Variants in KCNU1 observed in about 807,000 individuals in gnomAD.
KCNU1 encodes the protein potassium calcium-activated channel subfamily U member 1.
In KCNU1, 93 loss-of-function variants were observed where a neutral mutation model predicts 126.8. The ratio of observed to expected loss-of-function variants is 0.73; its 90% confidence interval spans 0.62 to 0.87. The LOEUF (loss-of-function observed/expected upper bound fraction) is 0.87. KCNU1 is among the 40% of genes least tolerant of loss of function. The pLI, the probability that KCNU1 is intolerant of heterozygous loss-of-function variation, is 0.00. For missense variants in KCNU1, 1,330 were observed against 1,367.1 expected (o/e 0.97, Z 0.43); for synonymous variants, 523 against 494.2 (o/e 1.06, Z -0.77).
intron 19 of KCNU1, among the ~76,000 whole-genome samples, chr8:36,872,301 G>T (rs957634704): frequency 9.2e-5 from 14 of 152,090 alleles, no homozygotes; most frequent in African/African-American, 3.4e-4. Context: ...GTATAGGGGA[G>T]GTATAATTTT....
chr8:36,931,322 GTGT>G (rs1184485549), intron 25 of KCNU1, among the ~76,000 whole-genome samples, 177 bp downstream of exon 25: 15 of 152,010 alleles, frequency 9.9e-5, no homozygotes, highest in Non-Finnish European at 5.9e-5. Context: ...AAATCACAGT[GTGT>G]TAATATGTTA....
intron 19 of KCNU1, among the ~76,000 whole-genome samples, chr8:36,883,058 T>C (rs1455993836): frequency 2.0e-5 from 3 of 152,234 alleles, no homozygotes; most frequent in African/African-American, 4.8e-5. Flanking sequence ...TCTTAGCATC[T>C]TCTGAATAAG....
intron 10 of KCNU1, among the ~76,000 whole-genome samples, chr8:36,820,435 G>A (rs1423645720): frequency 3.3e-5 from 5 of 152,048 alleles, no homozygotes; most frequent in Non-Finnish European, 5.9e-5. Flanking sequence ...GCTGTAGGGT[G>A]ATGGAGGAAG....
intron 22 of KCNU1, among the ~76,000 whole-genome samples, chr8:36,912,439 C>T (rs1353248379): frequency 6.6e-6 from 1 of 152,126 alleles, no homozygotes; most frequent in Non-Finnish European, 1.5e-5. Context: ...GAGCTAATAA[C>T]AAGGCACTTC....
chr8:36,831,983 A>C (rs1055703424), intron 10 of KCNU1, among the ~76,000 whole-genome samples: 7 of 152,238 alleles, frequency 4.6e-5, no homozygotes, highest in East Asian at 1.9e-4. Context: ...ACATATGGCT[A>C]GCCAGTTTTC....
chr8:36,802,679 T>C lies in KCNU1; in HGVS notation c.316-1348T>C, dbSNP rs1179590061. Among the ~76,000 whole-genome samples, 6 of 152,162 alleles carry C rather than the reference T, an allele frequency of 3.9e-5. No individual in the cohort carries two copies. In the South Asian group the frequency reaches 6.2e-4, roughly 16 times the overall value. ...GAAATCAAGGGAACCGCAAATGGGA[T>C]GCTTAGCCATTAAATATCAAAAAGA... On this transcript the variant is annotated intron_variant, in intron 2 of 26. Coordinates refer to ENST00000399881, the MANE Select transcript of KCNU1 (RefSeq NM_001031836.3).
intron 2 of KCNU1, among the ~76,000 whole-genome samples, chr8:36,802,737 T>C (rs1453076304): frequency 6.6e-6 from 1 of 152,178 alleles, no homozygotes; most frequent in Non-Finnish European, 1.5e-5. Context: ...CCTGGCATTT[T>C]CCCCCTTTAT....
At chr8:36,808,142 G>T (rs1470245545) in intron 6 of KCNU1, among the ~76,000 whole-genome samples, 1 of 152,122 alleles carries the variant, frequency 6.6e-6, no homozygotes, top group Non-Finnish European at 1.5e-5. Context: ...TGTGACGGGT[G>T]GTCCTGCCTG....
At chr8:36,849,527 T>G (rs1167871013) in intron 18 of KCNU1, among the ~76,000 whole-genome samples, 1 of 152,144 alleles carries the variant, frequency 6.6e-6, no homozygotes, top group African/African-American at 2.4e-5. Flanking sequence ...AGGTGCAGGT[T>G]GGCAGTGAGC....
intron 10 of KCNU1, among the ~76,000 whole-genome samples, chr8:36,819,947 C>A (rs1173377535): frequency 6.6e-6 from 1 of 152,108 alleles, no homozygotes; most frequent in Non-Finnish European, 1.5e-5. Flanking sequence ...CTACTTCAGG[C>A]CTAGCGTTTA....
chr8:36,797,487 G>A (rs781128744), intron 2 of KCNU1, among the ~76,000 whole-genome samples: 8 of 151,954 alleles, frequency 5.3e-5, no homozygotes, highest in Non-Finnish European at 1.2e-4. Flanking sequence ...ATAATTGCAC[G>A]GGAGTTCTGG....
intron 2 of KCNU1, among the ~76,000 whole-genome samples, chr8:36,789,141 A>G (rs1802813493): frequency 6.6e-6 from 1 of 152,096 alleles, no homozygotes; most frequent in South Asian, 2.1e-4. Flanking sequence ...GAATCGCTTG[A>G]GCCTAGGAGA....
rs188227583 is a variant in KCNU1, at chr8:36,891,644, A to C, written c.2010-14064A>C. 7.5e-3 allele frequency among the ~76,000 whole-genome samples: 1,141 copies of C among 152,272 alleles called. 8 individuals are homozygous for C. The highest frequency in any genetic ancestry group is 0.017 in the Middle Eastern group (5 of 294). ...ACTCTTTAGTATCGTTTGTAATAAAAGTTTGCAAACAACAATTCTGGCCAT... is the reference window on the plus strand; with the variant it reads ...ACTCTTTAGTATCGTTTGTAATAAACGTTTGCAAACAACAATTCTGGCCAT... On this transcript the variant is annotated intron_variant, in intron 19 of 26. Transcript: ENST00000399881.
rs778598044 is a variant in KCNU1 at position 36,834,823 on chromosome 8, C to T, written c.1250C>T (p.Pro417Leu). 4 of 1,612,338 alleles carry T rather than the reference C, an allele frequency of 2.5e-6. No individual in the cohort carries two copies. The highest frequency in any genetic ancestry group is 3.4e-6 in the Non-Finnish European group (4 of 1,178,996). Residue 417 changes from proline to leucine, a missense_variant, in exon 12 of 27, where the codon CCT (proline) becomes CTT (leucine). Transcript: ENST00000399881. ...SAEACLIIAN[P>L]LCSDSHAEDI... ...GAGGCATGCCTGATTATAGCCAATC[C>T]TTTGTGCAGTGATTCCCATGCTGAA...
At chr8:36,826,467 C>T (rs1418541246) in intron 10 of KCNU1, among the ~76,000 whole-genome samples, 1 of 152,120 alleles carries the variant, frequency 6.6e-6, no homozygotes, top group Non-Finnish European at 1.5e-5. Flanking sequence ...ACCTTGGCCT[C>T]CCAAAGTGCT....
At chr8:36,902,790 G>T (rs1056017084) in intron 19 of KCNU1, among the ~76,000 whole-genome samples, 8 of 152,056 alleles carry the variant, frequency 5.3e-5, no homozygotes, top group African/African-American at 1.7e-4. Context: ...GCATAAGGCT[G>T]CCATCAGGGT....
chr8:36,796,192 G>A (rs1255070562), intron 2 of KCNU1, among the ~76,000 whole-genome samples: 1 of 152,136 alleles, frequency 6.6e-6, no homozygotes, highest in Non-Finnish European at 1.5e-5. Flanking sequence ...CTCGAATTGA[G>A]GGGTTTTCGA....
chr8:36,912,436 T>C (rs765922282), intron 22 of KCNU1, among the ~76,000 whole-genome samples: 26 of 152,138 alleles, frequency 1.7e-4, no homozygotes, highest in Admixed American at 1.1e-3. Flanking sequence ...GCAGAGCTAA[T>C]AACAAGGCAC....
At chr8:36,934,726 G>A (rs1274045757) in intron 26 of KCNU1, among the ~76,000 whole-genome samples, 1 of 152,116 alleles carries the variant, frequency 6.6e-6, no homozygotes, top group African/African-American at 2.4e-5. Flanking sequence ...CTAGGAAAGA[G>A]TTGATCATTT....
Sources: gnomAD v4.1 joint callset for allele counts (sites outside exome capture counted in the v4.1 genomes callset) on GRCh38, gnomAD v4.1.1 for gene constraint, MANE v1.5 for transcripts, NCBI Gene and HGNC (gene_info 2026-07-23, HGNC 2026-07-21) for gene names.